Variants in RUBCN observed in about 807,000 individuals in gnomAD.
RUBCN encodes run domain Beclin-1-interacting and cysteine-rich domain-containing protein.
Under a neutral mutation model 113.2 loss-of-function variants are expected in RUBCN, and 74 were observed. The observed-to-expected ratio is 0.65, with a 90% confidence interval of 0.54 to 0.79. The LOEUF (loss-of-function observed/expected upper bound fraction) is 0.79. RUBCN is among the 30% of genes least tolerant of loss of function. RUBCN has a pLI of 0.00. For missense variants in RUBCN, 1,109 were observed against 1,251.7 expected (o/e 0.89, Z 1.72); for synonymous variants, 480 against 490.0 (o/e 0.98, Z 0.27).
intron 1 of RUBCN, among the ~76,000 whole-genome samples, chr3:197,730,885 CTTTTTTTT>C (rs71166707): frequency 0.017 from 842 of 50,008 alleles, 9 homozygotes; most frequent in African/African-American, 0.063. Flanking sequence ...TTAAAAGCAT[CTTTTTTTT>C]TTTTTTTTTT....
At chr3:197,731,339 G>A (rs1727439454) in intron 1 of RUBCN, among the ~76,000 whole-genome samples, 1 of 152,206 alleles carries the variant, frequency 6.6e-6, no homozygotes, top group Admixed American at 6.5e-5. Flanking sequence ...AGGATCCCAA[G>A]GCAGAAGAAT....
chr3:197,700,362 G>A (rs1292194079), intron 7 of RUBCN: 3 of 582,270 alleles, frequency 5.2e-6, no homozygotes, highest in Admixed American at 3.2e-5. Context: ...GCTATCCTCT[G>A]ATGTTACCAA....
At chr3:197,700,342 T>TATG (rs139219132) in intron 7 of RUBCN, 50,550 of 542,742 alleles carry the variant, frequency 0.093, 2,830 homozygotes, top group African/African-American at 0.18. Context: ...AAACTCGCAC[T>TATG]ATGAGTCACG....
chr3:197,676,476 G>A (rs936329561), intron 18 of RUBCN: 10 of 622,988 alleles, frequency 1.6e-5, no homozygotes, highest in African/African-American at 1.6e-4. Context: ...ATCATGCCCG[G>A]CTAATTTCTG....
At chr3:197,677,198 G>A (rs1356114224) in intron 17 of RUBCN, among the ~76,000 whole-genome samples, 160 bp from the exon 18 acceptor site, 2 of 152,238 alleles carry the variant, frequency 1.3e-5, no homozygotes, top group African/African-American at 4.8e-5. Context: ...GCTATTAGGT[G>A]TCTGGATGGC....
At chr3:197,745,109 AC>A (rs770514132) in intron 1 of RUBCN, among the ~76,000 whole-genome samples, 35 of 151,690 alleles carry the variant, frequency 2.3e-4, no homozygotes, top group Non-Finnish European at 4.6e-4. Flanking sequence ...ACATGGTGAA[AC>A]CCCATCTCTA....
chr3:197,683,334 A>G lies in RUBCN; in HGVS notation c.1953T>C (p.Leu651=). The G allele has an allele frequency of 6.2e-7, 1 of 1,614,214 alleles. No homozygotes were observed. Among genetic ancestry groups the G allele is most frequent in the East Asian group, 2.2e-5 (1 of 44,884 alleles). ...QLPAASELEW[L]VPEHDAPQKL... is the part of the protein sequence containing the mutation. ...TCTGAGGGGCATCATGCTCCGGGAC[A>G]AGCCACTCCAGCTCCGAGGCGGCTG... Residue 651 remains leucine, a synonymous_variant, in exon 13 of 20, where the codon CTT becomes CTC. Coordinates refer to ENST00000296343, the MANE Select transcript of RUBCN (RefSeq NM_014687.4). The surrounding 1 kb of genome is among the most constrained non-coding windows in gnomAD (Gnocchi z 4.6).
intron 11 of RUBCN, among the ~76,000 whole-genome samples, chr3:197,687,850 C>T (rs986329903): frequency 3.3e-5 from 5 of 152,178 alleles, no homozygotes; most frequent in Non-Finnish European, 7.4e-5. Context: ...CTGTGGAGAG[C>T]GTCCCCTGGC....
chr3:197,748,604 C>G (rs1728862036), intron 1 of RUBCN, among the ~76,000 whole-genome samples: 1 of 152,192 alleles, frequency 6.6e-6, no homozygotes, highest in South Asian at 2.1e-4. Flanking sequence ...GAAACATAAT[C>G]TGTGTGAAGA....
At position 197,675,124 on chromosome 3, in the gene RUBCN, C is replaced by T. The variant is rs753045017; in HGVS notation, c.2813G>A (p.Arg938Gln). Reference sequence around the variant, plus strand: ...GCTCTGCCTGGCCAGTGCCTCCCGCCGGGCCTGCAGCCGCTCGCAGCGCGG... The same window carrying T: ...GCTCTGCCTGGCCAGTGCCTCCCGCTGGGCCTGCAGCCGCTCGCAGCGCGG... ...SCPRCERLQARREALARQSLE... is the reference protein window; with the variant it reads ...SCPRCERLQAQREALARQSLE... The change falls in exon 20 of 20, where the codon CGG becomes CAG. Residue 938 changes from arginine to glutamine, a missense_variant. Arg to Gln is a conservative substitution (Grantham distance 43). Coordinates refer to ENST00000296343, the MANE Select transcript of RUBCN (RefSeq NM_014687.4). This position sits in a 1 kb window ranked among gnomAD's most constrained non-coding sequence, Gnocchi z 4.4. The T allele has an allele frequency of 9.9e-6, 16 of 1,613,710 alleles. No homozygotes were observed. Among genetic ancestry groups the T allele is most frequent in the Non-Finnish European group, 1.3e-5 (15 of 1,180,040 alleles).
At chr3:197,689,192 T>TA (rs1722162804) in intron 11 of RUBCN, among the ~76,000 whole-genome samples, 1 of 151,846 alleles carries the variant, frequency 6.6e-6, no homozygotes, top group Non-Finnish European at 1.5e-5. Flanking sequence ...ACACAGCTAA[T>TA]TCTAAAATAT....
intron 1 of RUBCN, among the ~76,000 whole-genome samples, chr3:197,732,116 C>T (rs983378225): frequency 2.6e-5 from 4 of 152,206 alleles, no homozygotes; most frequent in Non-Finnish European, 2.9e-5. Context: ...GATGCTAAAA[C>T]GGATCTTACT....
chr3:197,677,358 A>C, intron 17 of RUBCN, 122 bp downstream of exon 17: 1 of 862,222 alleles, frequency 1.2e-6, no homozygotes, highest in Non-Finnish European at 2.0e-6. Context: ...CCTGTTTACC[A>C]CTTTACAGTT....
Position 197,675,173 on chromosome 3 carries a change from C to G in RUBCN, c.2764G>C (p.Ala922Pro). The change falls in exon 20 of 20, where the codon GCC becomes CCC. Residue 922 changes from alanine (A) to proline (P), a missense_variant. By Grantham distance (27) the Ala-to-Pro change is conservative. Transcript: ENST00000296343. This position sits in a 1 kb window ranked among gnomAD's most constrained non-coding sequence, Gnocchi z 4.4. ...CEECKACYHK[A>P]CFKSGSCPRC... ...GGACAGCTTCCAGACTTGAAGCAGG[C>G]TTTATGGTAACACGCTTTACACTCT... The G allele has an allele frequency of 6.2e-7, 1 of 1,614,096 alleles. No homozygotes were observed. Among genetic ancestry groups the G allele is most frequent in the Non-Finnish European group, 8.5e-7 (1 of 1,180,032 alleles).
At chr3:197,690,980 T>A (rs1580207931) in intron 11 of RUBCN, 1 of 656,030 alleles carries the variant, frequency 1.5e-6, no homozygotes, top group East Asian at 6.6e-5. Flanking sequence ...CTCGTAACCT[T>A]GACAGTTATC....
rs1226095027 is a variant in RUBCN at position 197,682,525 on chromosome 3, A to G, written c.2071T>C (p.Leu691=). ...YKLRIRVRGN[L]EWAPPRPQII... ...TGAGGCCGGGGCGGGGCCCACTCCAAGTTGCCACGAACACGAATCCGCAGC... is the reference window on the plus strand; with the variant it reads ...TGAGGCCGGGGCGGGGCCCACTCCAGGTTGCCACGAACACGAATCCGCAGC... Residue 691 remains leucine, a synonymous_variant, in exon 14 of 20, where the codon TTG becomes CTG. Transcript: ENST00000296343. 6.2e-7 allele frequency: 1 copy of G among 1,614,182 alleles called. No individual in the cohort carries two copies. Among genetic ancestry groups the G allele is most frequent in the East Asian group, 2.2e-5 (1 of 44,886 alleles).
At chr3:197,724,074 A>T (rs1484871842) in intron 1 of RUBCN, among the ~76,000 whole-genome samples, 1 of 152,122 alleles carries the variant, frequency 6.6e-6, no homozygotes, top group Non-Finnish European at 1.5e-5. Context: ...TACATAAATC[A>T]TTTTCATCAA....
At chr3:197,723,599 T>C (rs956225197) in intron 1 of RUBCN, among the ~76,000 whole-genome samples, 3 of 152,216 alleles carry the variant, frequency 2.0e-5, no homozygotes, top group African/African-American at 7.2e-5. Flanking sequence ...TCTGGAATTT[T>C]TGAAGTCCCA....
rs1293528817 is a variant in RUBCN at position 197,699,338 on chromosome 3, C to T, written c.1261+1275G>A. The T allele has an allele frequency of 1.5e-5, 12 of 777,054 alleles. No individual in the cohort carries two copies. The East Asian group carries it at 3.2e-4, about 21-fold the overall frequency. 48.1% of individuals were successfully genotyped at this position (777,054 alleles called of 1,614,324 possible). On this transcript the variant is annotated intron_variant, in intron 7 of 19. Coordinates refer to ENST00000296343, the MANE Select transcript of RUBCN (RefSeq NM_014687.4). Reference sequence around the variant, plus strand: ...TTACCCAGCAGAAGTGGGGATGGAACTCCCAAGAGGAAACCCCAGTTGTGA... The same window carrying T: ...TTACCCAGCAGAAGTGGGGATGGAATTCCCAAGAGGAAACCCCAGTTGTGA...
Sources: gnomAD v4.1 joint callset for allele counts (sites outside exome capture counted in the v4.1 genomes callset) on GRCh38, gnomAD v4.1.1 for gene constraint, Gnocchi (gnomAD v3.1) non-coding constraint, MANE v1.5 for transcripts, NCBI Gene and HGNC (gene_info 2026-07-23, HGNC 2026-07-21) for gene names.